DST: variants seen among roughly 807,000 people sequenced by gnomAD.
DST encodes dystonin.
In DST, 253 loss-of-function variants were observed where a neutral mutation model predicts 875.2. The observed-to-expected ratio is 0.29, with a 90% CI of 0.26 to 0.32. DST has a LOEUF of 0.32. Among genes scored for constraint, DST ranks in the 10% least tolerant of loss-of-function variants. The probability of loss-of-function intolerance (pLI) is 1.00; values close to 1 mark genes in which losing one functional copy is unlikely to be tolerated. For synonymous variants in DST, 3,124 were observed against 3,197.1 expected (o/e 0.98, Z 0.77); for missense variants, 8,287 against 9,111.6 (o/e 0.91, Z 3.68).
At position 56,593,959 on chromosome 6, in the gene DST, T is replaced by C. The variant is rs370623639; in HGVS notation, c.12430A>G (p.Thr4144Ala). Residue 4144 changes from threonine (T) to alanine (A), a missense_variant, in exon 48 of 104, where the codon ACC becomes GCC. Thr to Ala is a moderately conservative substitution (Grantham distance 58). This residue lies in a region of DST where 1,513 missense variants were observed against 1,677.8 expected (regional missense o/e 0.90). Coordinates refer to ENST00000680361, the MANE Select transcript of DST (RefSeq NM_001374736.1). ...EELEKFDADY[T>A]EFEHWLQQSE... is the part of the protein sequence containing the mutation. The stretch of plus-strand genomic sequence containing the variant: ...TGCTGTAGCCAGTGCTCAAACTCGG[T>C]ATAGTCAGCATCAAACTTTTCTAAT... The C allele has an allele frequency of 1.2e-6, 2 of 1,613,942 alleles. No individual in the cohort carries two copies. The highest frequency in any genetic ancestry group is 1.7e-6 in the Non-Finnish European group (2 of 1,179,858).
chr6:56,780,198 G>A (rs2099689998), intron 4 of DST, among the ~76,000 whole-genome samples: 1 of 151,876 alleles, frequency 6.6e-6, no homozygotes, highest in African/African-American at 2.4e-5. Context: ...ATGTACATGT[G>A]TCTTTATAGC....
At chr6:56,818,842 G>A (rs1359666029) in intron 4 of DST, among the ~76,000 whole-genome samples, 1 of 152,132 alleles carries the variant, frequency 6.6e-6, no homozygotes, top group East Asian at 1.9e-4. Flanking sequence ...ACTTTCCATA[G>A]GAACTGGTTT....
At chr6:56,952,527 A>C (rs115232789) in intron 2 of DST, among the ~76,000 whole-genome samples, 16 of 152,238 alleles carry the variant, frequency 1.1e-4, no homozygotes, top group African/African-American at 3.9e-4. Context: ...ACTTTAATTA[A>C]GTAATTTAAT....
At chr6:56,797,405 A>G (rs1017381291) in intron 4 of DST, among the ~76,000 whole-genome samples, 9 of 152,136 alleles carry the variant, frequency 5.9e-5, no homozygotes, top group African/African-American at 2.2e-4. Flanking sequence ...CTCTCACTTT[A>G]CTCAAAAGCT....
At chr6:56,561,791 CAAAA>C (rs1041859595) in intron 56 of DST, among the ~76,000 whole-genome samples, 3 of 151,890 alleles carry the variant, frequency 2.0e-5, no homozygotes, top group Admixed American at 2.0e-4. Context: ...TTAAATGTAA[CAAAA>C]AACAAACCAC....
intron 47 of DST, among the ~76,000 whole-genome samples, chr6:56,596,956 A>G (rs1020477162): frequency 4.6e-5 from 7 of 152,204 alleles, no homozygotes; most frequent in Admixed American, 3.9e-4. Context: ...AGTGAGCTCA[A>G]CTTAGCCTGG....
intron 5 of DST, among the ~76,000 whole-genome samples, chr6:56,728,029 T>C (rs551781901): frequency 7.0e-4 from 107 of 152,210 alleles, no homozygotes; most frequent in African/African-American, 2.4e-3. Context: ...TAATAAGCAC[T>C]CAATAAATGG....
At position 56,619,957 on chromosome 6, in the gene DST, C is replaced by T; in HGVS notation, c.4929+4573G>A. 1 of 1,614,110 alleles carries T rather than the reference C, an allele frequency of 6.2e-7. No individual in the cohort carries two copies. ...CCTGCTGTTTGAGTTCTTCTGCTTTCTGCTTGTCATGTTCTTGCTGGAGAC... is the reference window on the plus strand; with the variant it reads ...CCTGCTGTTTGAGTTCTTCTGCTTTTTGCTTGTCATGTTCTTGCTGGAGAC... On this transcript the variant is annotated intron_variant, in intron 36 of 103. Coordinates refer to ENST00000680361, the MANE Select transcript of DST (RefSeq NM_001374736.1).
chr6:56,598,144 C>G (rs888871193), intron 46 of DST, 138 bp from the exon 47 acceptor site: 18 of 871,712 alleles, frequency 2.1e-5, no homozygotes, highest in Admixed American at 3.6e-5. Context: ...AACTTAACAA[C>G]TGAAATTAAA....
intron 49 of DST, among the ~76,000 whole-genome samples, chr6:56,583,899 T>C (rs1297349883): frequency 2.6e-5 from 4 of 152,194 alleles, no homozygotes; most frequent in Non-Finnish European, 4.4e-5. Context: ...GATCGGATAG[T>C]TGTAGATACG....
chr6:56,781,182 G>T (rs139731462), intron 4 of DST, among the ~76,000 whole-genome samples: 1 of 152,070 alleles, frequency 6.6e-6, no homozygotes, highest in Admixed American at 6.6e-5. Flanking sequence ...TTGTTCTTTC[G>T]GCTTAGGATT....
At chr6:56,870,253 C>T (rs1776378789) in intron 3 of DST, among the ~76,000 whole-genome samples, 1 of 151,800 alleles carries the variant, frequency 6.6e-6, no homozygotes. Flanking sequence ...CACTAAAATG[C>T]TAATTAGGCA....
At chr6:56,651,631 T>C (rs1402118753) in intron 10 of DST, among the ~76,000 whole-genome samples, 2 of 152,240 alleles carry the variant, frequency 1.3e-5, no homozygotes, top group Admixed American at 1.3e-4. Flanking sequence ...CTTAATTCAG[T>C]GCTGTGTCCA....
Position 56,511,276 on chromosome 6 carries a change from T to C in DST, c.18701A>G (p.Asp6234Gly), listed in dbSNP as rs767647662. 1 of 1,601,712 alleles carries C rather than the reference T, an allele frequency of 6.2e-7. No homozygotes were observed. ...FSIQEKYVAA[D>G]TLYSQIKEDV... is the part of the protein sequence containing the mutation. ...TTCTTTAATTTGACTGTAAAGGGTG[T>C]CGGCTGCCACATACTTCTCTTGGAT... The change falls in exon 73 of 104, where the codon GAC becomes GGC. Residue 6234 changes from aspartate (D) to glycine (G), a missense_variant. Transcript: ENST00000680361.
intron 61 of DST, among the ~76,000 whole-genome samples, chr6:56,551,554 CATT>C (rs1192581605): frequency 2.0e-5 from 3 of 152,084 alleles, no homozygotes; most frequent in Non-Finnish European, 4.4e-5. Flanking sequence ...ATGTTTCATT[CATT>C]AAGTGTCATT....
chr6:56,907,075 A>G (rs1050652861), intron 2 of DST, among the ~76,000 whole-genome samples: 1 of 152,158 alleles, frequency 6.6e-6, no homozygotes, highest in African/African-American at 2.4e-5. Flanking sequence ...GTGAATTCAA[A>G]TTTCTCTGCT....
chr6:56,699,263 G>C (rs941107708), intron 9 of DST, among the ~76,000 whole-genome samples: 1 of 152,112 alleles, frequency 6.6e-6, no homozygotes, highest in Non-Finnish European at 1.5e-5. Flanking sequence ...TCTATCAAAG[G>C]AGGAAATAGT....
At chr6:56,916,778 T>TCTCTCACACACACACACA (rs1470233953) in intron 2 of DST, among the ~76,000 whole-genome samples, 1 of 91,344 alleles carries the variant, frequency 1.1e-5, no homozygotes, top group African/African-American at 5.1e-5. Context: ...TCTCTCTCTC[T>TCTCTCACACACACACACA]CACACACACA....
At chr6:56,807,712 T>C (rs2099754828) in intron 4 of DST, among the ~76,000 whole-genome samples, 1 of 152,172 alleles carries the variant, frequency 6.6e-6, no homozygotes, top group Non-Finnish European at 1.5e-5. Flanking sequence ...CCTAGCATCA[T>C]ACACAAAAGT....
Sources: gnomAD v4.1 joint callset for allele counts (sites outside exome capture counted in the v4.1 genomes callset) on GRCh38, gnomAD v4.1.1 for gene constraint, gnomAD v4.1.1 regional missense constraint, MANE v1.5 for transcripts, NCBI Gene and HGNC (gene_info 2026-07-23, HGNC 2026-07-21) for gene names.